Variants in LARP1B observed in about 807,000 individuals in gnomAD.
LARP1B encodes La ribonucleoprotein 1B.
LARP1B carries 76 observed loss-of-function variants against 114.2 expected under a neutral mutation model. That is an observed-to-expected ratio of 0.67 (90% CI 0.55 to 0.81). The LOEUF (loss-of-function observed/expected upper bound fraction) is 0.81. LARP1B is among the 30% of genes least tolerant of loss of function. LARP1B has a pLI of 0.00. For missense variants in LARP1B, 1,014 were observed against 1,075.8 expected, an observed-to-expected ratio of 0.94 and a Z score of 0.80; for synonymous variants, 345 against 348.0, an observed-to-expected ratio of 0.99 and a Z score of 0.10.
At chr4:128,063,442 A>G (rs1452219071) in intron 1 of LARP1B, among the ~76,000 whole-genome samples, 2 of 147,846 alleles carry the variant, frequency 1.4e-5, no homozygotes, top group Non-Finnish European at 3.0e-5. Context: ...AAAAAAAAAA[A>G]AAAAAAAAAA....
At position 128,099,832 on chromosome 4, in the gene LARP1B, C is replaced by T. The variant is rs540032231; in HGVS notation, c.813+1502C>T. Among the ~76,000 whole-genome samples, 8 of 152,188 alleles carry T rather than the reference C, an allele frequency of 5.3e-5. No individual in the cohort carries two copies. The East Asian group carries it at 9.6e-4, about 18-fold the overall frequency. ...TATAAGAAAATGCCAACCTATTGTCCAAAGTGGCTTTACCATTTTGCATTC... is the reference window on the plus strand; with the variant it reads ...TATAAGAAAATGCCAACCTATTGTCTAAAGTGGCTTTACCATTTTGCATTC... On this transcript the variant is annotated intron_variant, in intron 8 of 19. Coordinates refer to ENST00000326639, the MANE Select transcript of LARP1B (RefSeq NM_018078.4).
chr4:128,065,327 C>CCTTTCTTTTCTTTTCTTTTCTTT (rs1561012881), intron 1 of LARP1B, among the ~76,000 whole-genome samples: 20 of 113,258 alleles, frequency 1.8e-4, no homozygotes, highest in Non-Finnish European at 2.8e-4. Flanking sequence ...CTCTCTCTCT[C>CCTTTCTTTTCTTTTCTTTTCTTT]TCTCTTTCCT....
At chr4:128,087,320 T>A (rs1033931154) in intron 5 of LARP1B, among the ~76,000 whole-genome samples, 2 of 152,210 alleles carry the variant, frequency 1.3e-5, no homozygotes, top group Non-Finnish European at 2.9e-5. Flanking sequence ...AGTTTTCTGC[T>A]GAAATCTGAT....
At chr4:128,152,973 C>CTTTTTTTTTTT in intron 11 of LARP1B, among the ~76,000 whole-genome samples, 1 of 81,274 alleles carries the variant, frequency 1.2e-5, no homozygotes, top group Non-Finnish European at 2.4e-5. Context: ...TTTGGTTTGC[C>CTTTTTTTTTTT]TTTTTTTTTT....
chr4:128,179,878 TATAA>T (rs1317285173), intron 15 of LARP1B, among the ~76,000 whole-genome samples: 7 of 152,330 alleles, frequency 4.6e-5, no homozygotes, highest in Admixed American at 3.9e-4. Context: ...ACTCAAACTG[TATAA>T]ATAATATGGA....
rs1561555862 is a variant in LARP1B, at chr4:128,199,494, ACTC to A, written c.2063_2065del (p.Pro688del). 6.2e-7 allele frequency: 1 copy of A among 1,603,206 alleles called. No homozygotes were observed. The highest frequency in any genetic ancestry group is 8.5e-7 in the Non-Finnish European group (1 of 1,174,064). On this transcript the variant is annotated inframe_deletion, in exon 16 of 20. Coordinates refer to ENST00000326639, the MANE Select transcript of LARP1B (RefSeq NM_018078.4). ...ACCACTAGCAGGAAGTTATGGATGTACTCCTCATTCATTCCCAAAGTTCCAGCA... is the reference window on the plus strand; with the variant it reads ...ACCACTAGCAGGAAGTTATGGATGTACTCATTCATTCCCAAAGTTCCAGCA...
chr4:128,149,514 A>G (rs1276464118), intron 11 of LARP1B, among the ~76,000 whole-genome samples: 1 of 152,244 alleles, frequency 6.6e-6, no homozygotes, highest in African/African-American at 2.4e-5. Flanking sequence ...TTAATAACCT[A>G]CGTGAGAATG....
intron 7 of LARP1B, among the ~76,000 whole-genome samples, chr4:128,222,131 ACATAGTGGTTT>A (rs1274166263): frequency 6.6e-6 from 1 of 152,168 alleles, no homozygotes; most frequent in East Asian, 1.9e-4. Flanking sequence ...TATTGTCCTA[ACATAGTGGTTT>A]ATGAATGCTT....
At chr4:128,103,092 G>A (rs979482881) in intron 8 of LARP1B, among the ~76,000 whole-genome samples, 1 of 152,112 alleles carries the variant, frequency 6.6e-6, no homozygotes, top group Non-Finnish European at 1.5e-5. Flanking sequence ...AGCTAAGTCA[G>A]TTAAAACCTC....
In LARP1B at chr4:128,183,852, G is replaced by A. The variant is rs369606821; in HGVS notation, c.2003+4340G>A. Among the ~76,000 whole-genome samples the A allele has an allele frequency of 2.1e-4, 32 of 152,170 alleles. 1 individual carries two copies. Among genetic ancestry groups the A allele is most frequent in the Admixed American group, 1.2e-3 (19 of 15,276 alleles). On this transcript the variant is annotated intron_variant, in intron 15 of 19. Transcript: ENST00000326639. The stretch of plus-strand genomic sequence containing the variant: ...TATCAACATTAACAGGATTTTAAAA[G>A]AAGTTGATTTCTACCCTCATGGATG...
intron 8 of LARP1B, among the ~76,000 whole-genome samples, chr4:128,098,763 ATATATTTT>A (rs1286020618): frequency 2.8e-5 from 1 of 35,504 alleles, no homozygotes; most frequent in African/African-American, 1.1e-4. Flanking sequence ...ATATATATAT[ATATATTTT>A]TTTTTTTTTT....
intron 9 of LARP1B, among the ~76,000 whole-genome samples, chr4:128,109,502 CAT>C (rs1271747762): frequency 5.9e-5 from 9 of 151,958 alleles, no homozygotes; most frequent in Non-Finnish European, 1.3e-4. Flanking sequence ...CACCAGAAAA[CAT>C]TGATTATGGG....
intron 5 of LARP1B, among the ~76,000 whole-genome samples, chr4:128,082,974 T>A (rs1236826997): frequency 6.6e-6 from 1 of 151,824 alleles, no homozygotes; most frequent in Non-Finnish European, 1.5e-5. Flanking sequence ...CCTTCCGCAG[T>A]GTTTGTGTCC....
At chr4:128,220,388 TCAC>T (rs1356387519) in exon 7 of LARP1B, 1 of 961,376 alleles carries the variant, frequency 1.0e-6, no homozygotes, top group East Asian at 1.1e-4. Context: ...CCTAATTATA[TCAC>T]CATGAGATGG....
intron 1 of LARP1B, among the ~76,000 whole-genome samples, chr4:128,070,443 C>G (rs998604098): frequency 6.6e-6 from 1 of 151,990 alleles, no homozygotes; most frequent in African/African-American, 2.4e-5. Flanking sequence ...GGCAGATCAC[C>G]TGAGGTCAGG....
At chr4:128,078,334 G>C (rs1184170929) in intron 4 of LARP1B, among the ~76,000 whole-genome samples, 1 of 152,040 alleles carries the variant, frequency 6.6e-6, no homozygotes, top group African/African-American at 2.4e-5. Flanking sequence ...AGTGAGAATA[G>C]GCTGGGCGCA....
At position 128,107,287 on chromosome 4, in the gene LARP1B, C is replaced by T. The variant is rs1782434185; in HGVS notation, c.962C>T (p.Pro321Leu). 1.9e-6 allele frequency: 3 copies of T among 1,614,032 alleles called. No homozygotes were observed. The highest frequency in any genetic ancestry group is 2.5e-6 in the Non-Finnish European group (3 of 1,180,022). ...SQLIDCPEFV[P>L]GQAFCSHTES... The stretch of plus-strand genomic sequence containing the variant: ...CTGATTGATTGTCCAGAGTTTGTAC[C>T]AGGCCAAGCCTTTTGCTCACATACA... Residue 321 changes from proline to leucine, a missense_variant, in exon 9 of 20, where the codon CCA becomes CTA. Physicochemically the swap from Pro to Leu is moderately conservative, Grantham distance 98. Transcript: ENST00000326639.
At chr4:128,133,382 A>G (rs1210425344) in intron 11 of LARP1B, among the ~76,000 whole-genome samples, 2 of 152,246 alleles carry the variant, frequency 1.3e-5, no homozygotes, top group Non-Finnish European at 2.9e-5. Context: ...ATGGAAAGTC[A>G]TCTCATGTTC....
intron 11 of LARP1B, among the ~76,000 whole-genome samples, chr4:128,133,683 T>G (rs1792269246): frequency 6.6e-6 from 1 of 152,124 alleles, no homozygotes; most frequent in Admixed American, 6.5e-5. Flanking sequence ...AACCCTTAAG[T>G]ATATGGTTAA....
Sources: gnomAD v4.1 joint callset for allele counts (sites outside exome capture counted in the v4.1 genomes callset) on GRCh38, gnomAD v4.1.1 for gene constraint, MANE v1.5 for transcripts, NCBI Gene and HGNC (gene_info 2026-07-23, HGNC 2026-07-21) for gene names.